Variants in TNRC6B observed in about 807,000 individuals in gnomAD.
The protein encoded by TNRC6B is trinucleotide repeat-containing gene 6B protein.
A neutral mutation model predicts 203.6 loss-of-function variants in TNRC6B; 52 were observed. The observed-to-expected ratio is 0.26, with a 90% CI of 0.20 to 0.32. The LOEUF (loss-of-function observed/expected upper bound fraction) is 0.32, where lower values mean the gene tolerates loss of function less well. Ranked by LOEUF, TNRC6B falls within the 10% of genes least tolerant of loss-of-function variation. The pLI is 1.00. For missense variants in TNRC6B, 1,923 were observed against 2,286.2 expected, an observed-to-expected ratio of 0.84 and a Z score of 3.24; for synonymous variants, 838 against 845.7, an observed-to-expected ratio of 0.99 and a Z score of 0.16.
intron 1 of TNRC6B, among the ~76,000 whole-genome samples, chr22:40,192,832 A>G (rs1444187791): frequency 1.3e-5 from 2 of 152,162 alleles, no homozygotes; most frequent in African/African-American, 4.8e-5. Flanking sequence ...TTGGCTTTGG[A>G]CATGTTTAGA....
At chr22:40,311,285 G>A (rs1358742771) in intron 17 of TNRC6B, among the ~76,000 whole-genome samples, 2 of 152,124 alleles carry the variant, frequency 1.3e-5, no homozygotes, top group Non-Finnish European at 2.9e-5. Context: ...TGATTTGTTA[G>A]TTCTTAGGCA....
intron 1 of TNRC6B, among the ~76,000 whole-genome samples, chr22:40,220,541 T>C (rs1297365663): frequency 1.3e-5 from 2 of 152,174 alleles, no homozygotes; most frequent in African/African-American, 2.4e-5. Context: ...TTTATAAGTA[T>C]GTGTACACTC....
intron 9 of TNRC6B, among the ~76,000 whole-genome samples, chr22:40,279,182 A>G (rs1427107640): frequency 6.6e-6 from 1 of 152,190 alleles, no homozygotes; most frequent in Admixed American, 6.5e-5. Context: ...TCACATTGCA[A>G]CTGGAGTGGA....
In TNRC6B at chr22:40,322,840, C is replaced by G; in HGVS notation, c.5115-14C>G. 6.2e-7 allele frequency: 1 copy of G among 1,613,580 alleles called. No individual in the cohort carries two copies. The highest frequency in any genetic ancestry group is 8.5e-7 in the Non-Finnish European group (1 of 1,179,866). On this transcript the variant is annotated splice_polypyrimidine_tract_variant and intron_variant, in intron 22 of 22. Transcript: ENST00000454349. ...TCCTGAGATCCATAGCTCTCTTTCC[C>G]TCCCTTCTTCCAGGTGTGTGTTGGG...
At chr22:40,055,313 C>A (rs1402896964) in intron 1 of TNRC6B, among the ~76,000 whole-genome samples, 2 of 152,104 alleles carry the variant, frequency 1.3e-5, no homozygotes, top group Non-Finnish European at 2.9e-5. Context: ...GTTGAGAAAG[C>A]CTTCCCAGGG....
chr22:40,177,792 A>C (rs1195392504), upstream of TNRC6B: 1 of 1,251,170 alleles, frequency 8.0e-7, no homozygotes, highest in East Asian at 3.0e-5. Flanking sequence ...TCACAAATGA[A>C]AGTGAGTGGA....
At chr22:40,104,117 G>T (rs1321269892) in intron 1 of TNRC6B, among the ~76,000 whole-genome samples, 1 of 152,038 alleles carries the variant, frequency 6.6e-6, no homozygotes, top group African/African-American at 2.4e-5. Context: ...CAGGCGTGGT[G>T]GCGGGTGCCT....
At chr22:40,220,980 C>T (rs2069699805) in intron 1 of TNRC6B, among the ~76,000 whole-genome samples, 1 of 152,204 alleles carries the variant, frequency 6.6e-6, no homozygotes, top group Non-Finnish European at 1.5e-5. Flanking sequence ...AGCCCCGCCT[C>T]ACATGCCTTT....
chr22:40,212,630 G>A (rs1365208042), intron 1 of TNRC6B, among the ~76,000 whole-genome samples: 2 of 151,832 alleles, frequency 1.3e-5, no homozygotes. Flanking sequence ...TTCAACAGCT[G>A]GGTATTTCTT....
At chr22:40,170,349 T>C (rs2068962579) in intron 4 of TNRC6B, among the ~76,000 whole-genome samples, 1 of 75,412 alleles carries the variant, frequency 1.3e-5, no homozygotes, top group Non-Finnish European at 2.3e-5. Context: ...AGTTTATATA[T>C]ATATTATGTA....
chr22:40,051,388 C>A (rs1366190986), intron 1 of TNRC6B, among the ~76,000 whole-genome samples: 1 of 152,228 alleles, frequency 6.6e-6, no homozygotes, highest in Admixed American at 6.5e-5. Flanking sequence ...TGTTATTCTT[C>A]CGTATTTCAA....
chr22:40,112,945 C>T (rs574371357), intron 1 of TNRC6B, among the ~76,000 whole-genome samples: 328 of 152,142 alleles, frequency 2.2e-3, no homozygotes, highest in Non-Finnish European at 3.9e-3. Context: ...ATGGTGAAAC[C>T]CCGACTAAAA....
intron 4 of TNRC6B, among the ~76,000 whole-genome samples, chr22:40,170,209 T>A (rs1437136052): frequency 6.8e-6 from 1 of 147,524 alleles, no homozygotes; most frequent in Non-Finnish European, 1.5e-5. Flanking sequence ...GCCTGAAAGG[T>A]TGAGGCTGTG....
intron 1 of TNRC6B, among the ~76,000 whole-genome samples, chr22:40,056,621 C>T (rs1490265010): frequency 6.6e-6 from 1 of 151,766 alleles, no homozygotes; most frequent in African/African-American, 2.4e-5. Context: ...TAGTGAGACC[C>T]CCATCTCTAC....
At chr22:40,178,166 T>A (rs6001827) in intron 1 of TNRC6B, 26 bp downstream of exon 1, 994,579 of 1,611,878 alleles carry the variant, frequency 0.62, 312,766 homozygotes, top group African/African-American at 0.91. Flanking sequence ...CAATTTTTTT[T>A]AACCAATTGA....
chr22:40,186,686 C>T (rs1189159372), intron 1 of TNRC6B, among the ~76,000 whole-genome samples: 2 of 148,690 alleles, frequency 1.3e-5, no homozygotes, highest in Non-Finnish European at 1.5e-5. Context: ...TGCAGTGAGC[C>T]GAGATCACGC....
chr22:40,273,006 A>C (rs930828918), intron 6 of TNRC6B, among the ~76,000 whole-genome samples: 1 of 152,238 alleles, frequency 6.6e-6, no homozygotes, highest in Non-Finnish European at 1.5e-5. Flanking sequence ...TCGTATTTAT[A>C]GTGTCCATTG....
chr22:40,062,161 A>G (rs188269496), intron 1 of TNRC6B, among the ~76,000 whole-genome samples: 2 of 152,236 alleles, frequency 1.3e-5, no homozygotes, highest in East Asian at 3.9e-4. Flanking sequence ...ACTTATACGT[A>G]TGTTATAAAT....
intron 15 of TNRC6B, among the ~76,000 whole-genome samples, chr22:40,302,558 G>A (rs1482162466): frequency 4.6e-5 from 7 of 151,880 alleles, no homozygotes; most frequent in Admixed American, 2.0e-4. Flanking sequence ...ACTTGAACCC[G>A]GGAGACGGAG....
Sources: allele counts gnomAD v4.1 joint callset (sites outside exome capture counted in the v4.1 genomes callset), GRCh38; gene constraint gnomAD v4.1.1; transcripts MANE v1.5; gene names NCBI Gene and HGNC (gene_info 2026-07-23, HGNC 2026-07-21).